CTNNA3: variants seen among roughly 807,000 people sequenced by gnomAD.
CTNNA3 encodes catenin alpha 3.
Under a neutral mutation model 95.7 loss-of-function variants are expected in CTNNA3, and 76 were observed. The observed-to-expected ratio is 0.79, with a 90% CI of 0.66 to 0.96. The LOEUF (loss-of-function observed/expected upper bound fraction) is 0.96, where lower values mean the gene tolerates loss of function less well. Ranked by LOEUF, CTNNA3 falls within the 40% of genes least tolerant of loss-of-function variation. CTNNA3 has a pLI of 0.00. For missense variants in CTNNA3, 1,191 were observed against 1,089.8 expected (o/e 1.09, Z -1.31); for synonymous variants, 431 against 374.4 (o/e 1.15, Z -1.74).
chr10:66,832,639 A>T (rs922148364), intron 7 of CTNNA3, among the ~76,000 whole-genome samples: 1 of 152,048 alleles, frequency 6.6e-6, no homozygotes, highest in African/African-American at 2.4e-5. Flanking sequence ...TCAAAAAAAA[A>T]AAAGGAAGAA....
intron 17 of CTNNA3, among the ~76,000 whole-genome samples, chr10:65,927,466 C>T (rs890934311): frequency 1.3e-5 from 2 of 152,242 alleles, no homozygotes; most frequent in South Asian, 2.1e-4. Flanking sequence ...ATCCTTCCCA[C>T]CCCAGGTATC....
chr10:66,482,114 T>C (rs1432355326), intron 11 of CTNNA3, among the ~76,000 whole-genome samples: 1 of 152,200 alleles, frequency 6.6e-6, no homozygotes, highest in Non-Finnish European at 1.5e-5. Context: ...TGAAAGAACT[T>C]CAAAATGCTA....
At chr10:67,101,687 C>T (rs965244272) in intron 7 of CTNNA3, among the ~76,000 whole-genome samples, 4 of 151,672 alleles carry the variant, frequency 2.6e-5, no homozygotes, top group Non-Finnish European at 5.9e-5. Context: ...ATCACATAAT[C>T]CTATTTTGAA....
At chr10:66,995,866 C>T (rs1851300922) in intron 7 of CTNNA3, among the ~76,000 whole-genome samples, 2 of 152,292 alleles carry the variant, frequency 1.3e-5, no homozygotes, top group African/African-American at 4.8e-5. Flanking sequence ...ACACTTCCAT[C>T]TTTGTTTCAT....
chr10:66,708,610 A>T (rs1014594865), intron 9 of CTNNA3, among the ~76,000 whole-genome samples: 3 of 152,076 alleles, frequency 2.0e-5, no homozygotes. Flanking sequence ...AGGAAGGAAG[A>T]GATACAATTC....
At chr10:66,147,689 T>C (rs1374098703) in intron 13 of CTNNA3, among the ~76,000 whole-genome samples, 2 of 150,900 alleles carry the variant, frequency 1.3e-5, no homozygotes, top group Non-Finnish European at 3.0e-5. Context: ...TATATCTATA[T>C]TTAGTGGCTG....
At chr10:66,126,622 T>C (rs2082840171) in intron 13 of CTNNA3, among the ~76,000 whole-genome samples, 1 of 152,112 alleles carries the variant, frequency 6.6e-6, no homozygotes, top group Admixed American at 6.6e-5. Context: ...ACCTGAAGTA[T>C]TAGATACTGC....
intron 11 of CTNNA3, among the ~76,000 whole-genome samples, chr10:66,511,234 C>G (rs1295838482): frequency 6.6e-6 from 1 of 151,640 alleles, no homozygotes; most frequent in East Asian, 1.9e-4. Context: ...GTTGTAATAT[C>G]TCATTGTTCA....
chr10:66,750,907 C>T (rs766898725), intron 9 of CTNNA3, among the ~76,000 whole-genome samples: 4 of 152,098 alleles, frequency 2.6e-5, no homozygotes, highest in Non-Finnish European at 4.4e-5. Flanking sequence ...TAGTTTTCCT[C>T]AATTTAAATT....
chr10:66,802,301 A>G (rs942743326), intron 7 of CTNNA3, among the ~76,000 whole-genome samples: 1 of 151,914 alleles, frequency 6.6e-6, no homozygotes, highest in Non-Finnish European at 1.5e-5. Context: ...ATATCTAACA[A>G]TGGACTTGTA....
chr10:67,218,382 C>T (rs1432779726), intron 6 of CTNNA3, among the ~76,000 whole-genome samples: 1 of 152,136 alleles, frequency 6.6e-6, no homozygotes, highest in African/African-American at 2.4e-5. Flanking sequence ...GGTAGAGTAA[C>T]CTGCATCCAG....
intron 13 of CTNNA3, among the ~76,000 whole-genome samples, chr10:66,188,402 CA>C (rs2086449526): frequency 6.6e-6 from 1 of 151,964 alleles, no homozygotes; most frequent in Admixed American, 6.6e-5. Context: ...TGGTAACCAC[CA>C]TACTACTCTG....
rs1029106862 is a variant in CTNNA3 at position 66,348,861 on chromosome 10, T to C, written c.1732+30291A>G. On this transcript the variant is annotated intron_variant, in intron 12 of 17. Transcript: ENST00000433211. ...GTATTGGCTGCTCAAATAACAAAAT[T>C]TCCTGGTGCTTCTACTGGTACCAGG... Among the ~76,000 whole-genome samples the C allele has an allele frequency of 2.6e-5, 4 of 152,036 alleles. No homozygotes were observed. In the South Asian group the frequency reaches 8.3e-4, roughly 31 times the overall value.
intron 7 of CTNNA3, among the ~76,000 whole-genome samples, chr10:67,142,757 C>A (rs1178733206): frequency 1.3e-5 from 2 of 152,034 alleles, no homozygotes; most frequent in African/African-American, 4.8e-5. Flanking sequence ...CACGGTGAAA[C>A]CCCGCCTCTA....
intron 14 of CTNNA3, among the ~76,000 whole-genome samples, 181 bp from the exon 15 acceptor site, chr10:66,069,670 A>G (rs1190050233): frequency 1.3e-5 from 2 of 152,210 alleles, no homozygotes; most frequent in East Asian, 3.8e-4. Flanking sequence ...CTATTAAATT[A>G]TAATAGTTTG....
At chr10:67,616,705 T>C (rs1843668090) in intron 2 of CTNNA3, among the ~76,000 whole-genome samples, 2 of 152,338 alleles carry the variant, frequency 1.3e-5, no homozygotes, top group Admixed American at 6.5e-5. Flanking sequence ...TGGATTACCA[T>C]GGCATTAGCC....
At chr10:66,640,240 A>C (rs892372760) in intron 9 of CTNNA3, among the ~76,000 whole-genome samples, 6 of 152,124 alleles carry the variant, frequency 3.9e-5, no homozygotes, top group Non-Finnish European at 5.9e-5. Context: ...GGATACATCC[A>C]TCTTTCAGCT....
At chr10:67,066,699 C>T (rs1386673345) in intron 7 of CTNNA3, among the ~76,000 whole-genome samples, 1 of 152,020 alleles carries the variant, frequency 6.6e-6, no homozygotes, top group Non-Finnish European at 1.5e-5. Context: ...AAATATTATC[C>T]CTCTTCCTTT....
chr10:67,757,282 G>C (rs1238644309), intron 1 of CTNNA3, among the ~76,000 whole-genome samples: 3 of 152,190 alleles, frequency 2.0e-5, no homozygotes, highest in African/African-American at 4.8e-5. Context: ...GCATAGATGA[G>C]CTCTCTAAGG....
Sources: gnomAD v4.1 joint callset for allele counts (sites outside exome capture counted in the v4.1 genomes callset) on GRCh38, gnomAD v4.1.1 for gene constraint, MANE v1.5 for transcripts, NCBI Gene and HGNC (gene_info 2026-07-23, HGNC 2026-07-21) for gene names.